LGI4: variants seen among roughly 807,000 people sequenced by gnomAD.
LGI4 encodes the protein leucine-rich repeat LGI family member 4.
LGI4 carries 36 observed loss-of-function variants against 48.3 expected under a neutral mutation model. The ratio of observed to expected loss-of-function variants is 0.75; its 90% CI spans 0.57 to 0.98. The LOEUF (loss-of-function observed/expected upper bound fraction) is 0.98. LGI4 is among the 50% of genes least tolerant of loss of function. The pLI, the probability that LGI4 is intolerant of heterozygous loss-of-function variation, is 0.00. For synonymous variants in LGI4, 355 were observed against 331.6 expected, an observed-to-expected ratio of 1.07 and a Z score of -0.77; for missense variants, 701 against 732.1, an observed-to-expected ratio of 0.96 and a Z score of 0.49.
At chr19:35,129,516 T>C (rs1373445005) in intron 6 of LGI4, among the ~76,000 whole-genome samples, 2 of 152,184 alleles carry the variant, frequency 1.3e-5, no homozygotes, top group African/African-American at 4.8e-5. Flanking sequence ...ACATGTGCTA[T>C]ATTGACTCAT....
In LGI4 at chr19:35,125,207, C is replaced by T. The variant is rs777456550; in HGVS notation, c.1600G>A (p.Asp534Asn). ...CGTTGGTGGTCTCAGGCACTGAGGTCGATCTCGTGATGCTGGTAGATCTGT... is the reference window on the plus strand; with the variant it reads ...CGTTGGTGGTCTCAGGCACTGAGGTTGATCTCGTGATGCTGGTAGATCTGT... ...PTQIYQHHEIDLSA is the reference protein window; with the variant it reads ...PTQIYQHHEINLSA Residue 534 changes from aspartate (D) to asparagine (N), a missense_variant, in exon 9 of 9, where the codon GAC (aspartate) becomes AAC (asparagine). Around this residue, in one of 3 missense-constraint regions of LGI4, gnomAD observed 223 missense variants for 263.3 expected, o/e 0.85. Transcript: ENST00000310123. The T allele has an allele frequency of 3.4e-5, 52 of 1,527,002 alleles. No individual in the cohort carries two copies. Among genetic ancestry groups the T allele is most frequent in the South Asian group, 2.9e-4 (23 of 78,606 alleles). 94.6% of individuals were successfully genotyped at this position (1,527,002 alleles called of 1,614,324 possible).
intron 6 of LGI4, among the ~76,000 whole-genome samples, chr19:35,130,361 A>G (rs189228471): frequency 1.3e-5 from 2 of 152,238 alleles, no homozygotes; most frequent in East Asian, 3.9e-4. Flanking sequence ...TGTTATAGAT[A>G]ATAATAATTA....
At position 35,126,397 on chromosome 19, in the gene LGI4, T is replaced by C. The variant is rs769674292; in HGVS notation, c.1172A>G (p.His391Arg). The C allele has an allele frequency of 8.7e-6, 14 of 1,609,800 alleles. No individual in the cohort carries two copies. Among genetic ancestry groups the C allele is most frequent in the Middle Eastern group, 1.6e-4 (1 of 6,076 alleles). ...ASASQRPVLF[H>R]WTGGRFERRT... The stretch of plus-strand genomic sequence containing the variant: ...TCTCTCGAAGCGGCCACCGGTCCAG[T>C]GGAAGAGCACGGGCCGCTGGGAAGC... Residue 391 changes from histidine (H) to arginine (R), a missense_variant, in exon 8 of 9, where the codon CAC (histidine) becomes CGC (arginine). Coordinates refer to ENST00000310123, the MANE Select transcript of LGI4 (RefSeq NM_139284.3).
At chr19:35,131,077 C>A (rs577250579) in intron 6 of LGI4, 1 of 590,672 alleles carries the variant, frequency 1.7e-6, no homozygotes, top group Non-Finnish European at 3.0e-6. Context: ...TGGCACTTAA[C>A]GAAGAATTTT....
At chr19:35,133,494 C>A in intron 3 of LGI4, 199 bp downstream of exon 3, 1 of 1,418,020 alleles carries the variant, frequency 7.1e-7, no homozygotes, top group Non-Finnish European at 9.2e-7. Context: ...ACATCATTGA[C>A]ACCAGCCCTG....
chr19:35,134,558 C>T lies in LGI4; in HGVS notation c.123G>A (p.Glu41=). 2 of 1,585,680 alleles carry T rather than the reference C, an allele frequency of 1.3e-6. No individual in the cohort carries two copies. The highest frequency in any genetic ancestry group is 1.7e-6 in the Non-Finnish European group (2 of 1,166,622). The change falls in exon 1 of 9, where the codon GAG becomes GAA. Residue 41 remains glutamate (E), a synonymous_variant. Coordinates refer to ENST00000310123, the MANE Select transcript of LGI4 (RefSeq NM_139284.3). ...CSCSKDSALC[E]GSPDLPVSFS... ...AGCTGACGGGCAGGTCCGGGGAGCC[C>T]TCACACAGGGCGCTGTCTTTAGAGC...
Position 35,132,024 on chromosome 19 carries a change from C to T in LGI4, c.333G>A (p.Glu111=). 6.3e-7 allele frequency: 1 copy of T among 1,580,868 alleles called. No homozygotes were observed. The highest frequency in any genetic ancestry group is 8.6e-7 in the Non-Finnish European group (1 of 1,162,844). Residue 111 remains glutamate (E), a synonymous_variant, in exon 4 of 9, where the codon GAG becomes GAA. Coordinates refer to ENST00000310123, the MANE Select transcript of LGI4 (RefSeq NM_139284.3). ...GGGCATTCTTAGAGATGGAGCCAAT[C>T]TCATTGTCCTCGATGAAGCTGTGGA... ...HLQYLFIEDN[E]IGSISKNALR...
In LGI4 at chr19:35,126,678, G is replaced by C. The variant is rs202050899; in HGVS notation, c.891C>G (p.Pro297=). ...TTGGGGCCAGGCGCAGGCCGGGACT[G>C]GGCCGGGCCCACAGCTGTGAGCCCC... ...LWGGSQLWAR[P]SPGLRLAPTQ... The change falls in exon 8 of 9, where the codon CCC becomes CCG. Residue 297 remains proline (P), a synonymous_variant. Transcript: ENST00000310123. The C allele has an allele frequency of 2.5e-3, 3,832 of 1,535,824 alleles. 107 individuals are homozygous for C. The South Asian group carries it at 0.037, about 15-fold the overall frequency.
At chr19:35,133,621 C>T in intron 3 of LGI4, 72 bp downstream of exon 3, 1 of 1,517,958 alleles carries the variant, frequency 6.6e-7, no homozygotes, top group Non-Finnish European at 8.9e-7. Flanking sequence ...CCCATCTCCC[C>T]CTACTCTGGG....
intron 3 of LGI4, 40 bp downstream of exon 3, chr19:35,133,653 T>G: frequency 6.4e-7 from 1 of 1,558,928 alleles, no homozygotes; most frequent in Non-Finnish European, 8.7e-7. Flanking sequence ...GGTCCCTCCT[T>G]GCCCAGACCC....
intron 6 of LGI4, chr19:35,131,149 C>T (rs1047845593): frequency 4.6e-5 from 29 of 625,156 alleles, no homozygotes; most frequent in African/African-American, 5.5e-5. Flanking sequence ...GTCCCAGGCC[C>T]GGCGCCAAAT....
In LGI4 at chr19:35,134,113, G is replaced by A. The variant is rs1369295284; in HGVS notation, c.171-9C>T. The stretch of plus-strand genomic sequence containing the variant: ...CCGTCCTGACGAGTGAGCTGGGGAT[G>A]TGGGCAGTGGTAGGTGAGAGGGACA... On this transcript the variant is annotated splice_polypyrimidine_tract_variant and intron_variant, in intron 1 of 8. Transcript: ENST00000310123. 3 of 1,560,584 alleles carry A rather than the reference G, an allele frequency of 1.9e-6. No homozygotes were observed. Among genetic ancestry groups the A allele is most frequent in the Non-Finnish European group, 2.6e-6 (3 of 1,151,820 alleles).
chr19:35,129,350 T>C (rs979763906), intron 6 of LGI4, among the ~76,000 whole-genome samples: 2 of 151,522 alleles, frequency 1.3e-5, no homozygotes, highest in African/African-American at 4.8e-5. Context: ...TATATATACA[T>C]GTTGTGGGGG....
Position 35,125,273 on chromosome 19 carries a change from C to G in LGI4, c.1534G>C (p.Gly512Arg), listed in dbSNP as rs766199254. Residue 512 changes from glycine to arginine, a missense_variant, in exon 9 of 9, where the codon GGC (glycine) becomes CGC (arginine). Gly to Arg is a moderately radical substitution (Grantham distance 125). Transcript: ENST00000310123. ...PRAFAHITMA[G>R]RRFLFAACFK... is the part of the protein sequence containing the mutation. ...CAAGCAGCAAAGAGGAAGCGTCTGC[C>G]GGCCATAGTGATGTGGGCAAAGGCA... 1.9e-6 allele frequency: 3 copies of G among 1,601,386 alleles called. No homozygotes were observed. Among genetic ancestry groups the G allele is most frequent in the Non-Finnish European group, 2.6e-6 (3 of 1,172,600 alleles).
Position 35,125,499 on chromosome 19 carries a change from G to A in LGI4, c.1308C>T (p.Arg436=), listed in dbSNP as rs1222692535. The change falls in exon 9 of 9, where the codon CGC becomes CGT. Residue 436 remains arginine (R), a synonymous_variant. Transcript: ENST00000310123. ...TRYIGDSMVM[R]WDGSMFRLLQ... is the part of the protein sequence containing the mutation. The stretch of plus-strand genomic sequence containing the variant: ...GCAGACGAAACATGGAGCCGTCCCA[G>A]CGCATGACCTGTGGGGGTGTGGCCA... The A allele has an allele frequency of 1.9e-6, 3 of 1,557,624 alleles. No individual in the cohort carries two copies. In the South Asian group the frequency reaches 3.6e-5, roughly 19 times the overall value.
At chr19:35,134,377 G>A (rs952875699) in intron 1 of LGI4, 134 bp downstream of exon 1, 28 of 949,840 alleles carry the variant, frequency 2.9e-5, no homozygotes, top group African/African-American at 2.0e-4. Context: ...AAGGCATCCC[G>A]ACAGGCTTTG....
intron 8 of LGI4, 47 bp downstream of exon 8, chr19:35,126,223 G>T: frequency 6.3e-7 from 1 of 1,588,476 alleles, no homozygotes. Flanking sequence ...GTGCAAGATT[G>T]GGTCAGTGCT....
chr19:35,129,109 T>C (rs2065158828), intron 6 of LGI4, among the ~76,000 whole-genome samples: 1 of 152,164 alleles, frequency 6.6e-6, no homozygotes. Flanking sequence ...GTAAGTCCCG[T>C]AAGGCCACGG....
chr19:35,127,138 A>G (rs1442422098), intron 6 of LGI4, 121 bp from the exon 7 acceptor site: 13 of 1,013,256 alleles, frequency 1.3e-5, no homozygotes, highest in East Asian at 2.6e-5. Flanking sequence ...ATAGGGACAT[A>G]TAACTGGAAT....
Sources: allele counts gnomAD v4.1 joint callset (sites outside exome capture counted in the v4.1 genomes callset), GRCh38; gene constraint gnomAD v4.1.1; regional missense constraint gnomAD v4.1.1; transcripts MANE v1.5; gene names NCBI Gene and HGNC (gene_info 2026-07-23, HGNC 2026-07-21).